DNAH7: variants seen among roughly 807,000 people sequenced by gnomAD.
DNAH7 encodes dynein axonemal heavy chain 7, also known as axonemal beta dynein heavy chain 7.
Under a neutral mutation model 444.6 loss-of-function variants are expected in DNAH7, and 397 were observed. The observed-to-expected ratio is 0.89, with a 90% CI of 0.82 to 0.97. The LOEUF is 0.97. Among genes scored for constraint, DNAH7 ranks in the 50% least tolerant of loss-of-function variants. The probability of loss-of-function intolerance (pLI) is 0.00; values close to 1 mark genes in which losing one functional copy is unlikely to be tolerated. For synonymous variants in DNAH7, 1,636 were observed against 1,624.4 expected, an observed-to-expected ratio of 1.01 and a Z score of -0.17; for missense variants, 4,902 against 4,800.8, an observed-to-expected ratio of 1.02 and a Z score of -0.62.
intron 19 of DNAH7, among the ~76,000 whole-genome samples, chr2:195,945,977 C>G (rs1475318485): frequency 6.6e-6 from 1 of 152,076 alleles, no homozygotes; most frequent in Non-Finnish European, 1.5e-5. Flanking sequence ...AAGAGAGTCC[C>G]TAATAAATTT....
chr2:195,887,943 A>G (rs1440700393), intron 33 of DNAH7, among the ~76,000 whole-genome samples: 1 of 152,124 alleles, frequency 6.6e-6, no homozygotes, highest in Non-Finnish European at 1.5e-5. Flanking sequence ...GGAACTTTGG[A>G]TAATAAATAA....
chr2:196,029,044 T>G (rs1343231839), intron 5 of DNAH7, among the ~76,000 whole-genome samples: 2 of 152,232 alleles, frequency 1.3e-5, no homozygotes, highest in East Asian at 3.8e-4. Context: ...AATAAATGTT[T>G]GTTAAGTGAG....
chr2:195,868,351 T>A (rs1700479384), intron 40 of DNAH7, among the ~76,000 whole-genome samples: 1 of 151,976 alleles, frequency 6.6e-6, no homozygotes, highest in Admixed American at 6.6e-5. Context: ...CCCAAAGTGC[T>A]GGGATTACAG....
intron 41 of DNAH7, 74 bp from the exon 42 acceptor site, chr2:195,862,020 C>T: frequency 8.8e-7 from 1 of 1,139,076 alleles, no homozygotes. Context: ...CAGCCCTTTA[C>T]AACTTATGGA....
chr2:196,026,009 G>A (rs751036452), intron 7 of DNAH7, among the ~76,000 whole-genome samples: 6 of 152,122 alleles, frequency 3.9e-5, no homozygotes, highest in Non-Finnish European at 7.4e-5. Context: ...TTTTTAAAAC[G>A]GTTCTGGTAA....
At chr2:196,054,484 T>A (rs768246028) in intron 2 of DNAH7, among the ~76,000 whole-genome samples, 3 of 152,158 alleles carry the variant, frequency 2.0e-5, no homozygotes, top group Non-Finnish European at 4.4e-5. Flanking sequence ...ACTGCACTAC[T>A]GCACTCCAGC....
chr2:195,980,246 C>T (rs1437416251), intron 15 of DNAH7, among the ~76,000 whole-genome samples: 3 of 151,958 alleles, frequency 2.0e-5, no homozygotes, highest in Non-Finnish European at 4.4e-5. Flanking sequence ...TGAGTCAGTT[C>T]TCAGGAGATC....
At chr2:195,829,424 G>A (rs1270742387) in intron 48 of DNAH7, among the ~76,000 whole-genome samples, 2 of 151,536 alleles carry the variant, frequency 1.3e-5, no homozygotes, top group Non-Finnish European at 2.9e-5. Flanking sequence ...TTGTTTTATG[G>A]CACTGAAAAC....
intron 31 of DNAH7, 55 bp from the exon 32 acceptor site, chr2:195,889,036 A>G: frequency 6.8e-7 from 1 of 1,469,626 alleles, no homozygotes; most frequent in Admixed American, 2.1e-5. Flanking sequence ...TAATATAAAG[A>G]AACAGTTCAA....
At chr2:196,042,443 T>C (rs921434160) in intron 5 of DNAH7, among the ~76,000 whole-genome samples, 7 of 151,832 alleles carry the variant, frequency 4.6e-5, no homozygotes, top group African/African-American at 1.7e-4. Flanking sequence ...GGAGATAATA[T>C]TTGCAAAAGA....
chr2:195,808,882 G>A lies in DNAH7; in HGVS notation c.9889-6C>T. On this transcript the variant is annotated splice_region_variant and splice_polypyrimidine_tract_variant and intron_variant, in intron 52 of 64. Coordinates refer to ENST00000312428, the MANE Select transcript of DNAH7 (RefSeq NM_018897.3). ...CTCCACTCAGCTTTATTAATCTTTG[G>A]AAAACAAGGCAGCGTGAAGAGTCAG... 6.2e-7 allele frequency: 1 copy of A among 1,611,318 alleles called. No individual in the cohort carries two copies. The highest frequency in any genetic ancestry group is 8.5e-7 in the Non-Finnish European group (1 of 1,178,768).
chr2:195,794,704 A>G (rs190409739), intron 56 of DNAH7, among the ~76,000 whole-genome samples, 166 bp from the exon 57 acceptor site: 49 of 152,326 alleles, frequency 3.2e-4, no homozygotes, highest in Admixed American at 2.4e-3. Flanking sequence ...GCTGCTCCTA[A>G]AACAATAACA....
intron 17 of DNAH7, among the ~76,000 whole-genome samples, chr2:195,966,458 A>G (rs1397604718): frequency 6.6e-6 from 1 of 152,174 alleles, no homozygotes; most frequent in East Asian, 1.9e-4. Flanking sequence ...AATATTTATT[A>G]TGTTCATTTG....
At chr2:195,923,978 C>T (rs891576012) in intron 22 of DNAH7, among the ~76,000 whole-genome samples, 171 bp from the exon 23 acceptor site, 2 of 152,080 alleles carry the variant, frequency 1.3e-5, no homozygotes, top group Admixed American at 1.3e-4. Context: ...ACTAGGTAAA[C>T]AAGACCAATC....
intron 10 of DNAH7, among the ~76,000 whole-genome samples, chr2:196,002,420 A>T (rs758387307): frequency 6.6e-6 from 1 of 152,128 alleles, no homozygotes; most frequent in Non-Finnish European, 1.5e-5. Context: ...TCGAATGTGT[A>T]TGTGTCCTTG....
chr2:195,959,146 A>C (rs1258379415), intron 18 of DNAH7, among the ~76,000 whole-genome samples: 1 of 152,166 alleles, frequency 6.6e-6, no homozygotes, highest in East Asian at 1.9e-4. Flanking sequence ...CACATTACTC[A>C]TCATTTAAGT....
chr2:195,918,703 T>C (rs371531522), intron 24 of DNAH7, among the ~76,000 whole-genome samples: 10 of 152,310 alleles, frequency 6.6e-5, no homozygotes, highest in South Asian at 4.1e-4. Flanking sequence ...GGAATATATA[T>C]ACATGACAAA....
At chr2:196,034,141 C>T (rs1177790055) in intron 5 of DNAH7, among the ~76,000 whole-genome samples, 1 of 152,020 alleles carries the variant, frequency 6.6e-6, no homozygotes, top group Non-Finnish European at 1.5e-5. Context: ...TACACATGAT[C>T]GTATGTATAG....
chr2:196,011,486 A>T (rs1694725333), intron 10 of DNAH7, among the ~76,000 whole-genome samples: 1 of 152,136 alleles, frequency 6.6e-6, no homozygotes, highest in Non-Finnish European at 1.5e-5. Flanking sequence ...AACTAGAGAA[A>T]CACAGCAGCA....
Sources: allele counts gnomAD v4.1 joint callset (sites outside exome capture counted in the v4.1 genomes callset), GRCh38; gene constraint gnomAD v4.1.1; transcripts MANE v1.5; gene names NCBI Gene and HGNC (gene_info 2026-07-23, HGNC 2026-07-21).